Variants in GSK3B observed in about 807,000 individuals in gnomAD.
GSK3B encodes glycogen synthase kinase-3 beta.
GSK3B carries 15 observed loss-of-function variants against 56.4 expected under a neutral mutation model. The observed-to-expected ratio is 0.27, with a 90% CI of 0.18 to 0.41. The LOEUF (loss-of-function observed/expected upper bound fraction) is 0.41, where lower values mean the gene tolerates loss of function less well. Ranked by LOEUF, GSK3B falls within the 10% of genes least tolerant of loss-of-function variation. The pLI, the probability that GSK3B is intolerant of heterozygous loss-of-function variation, is 1.00. For missense variants in GSK3B, 300 were observed against 513.4 expected, an observed-to-expected ratio of 0.58 and a Z score of 4.02; for synonymous variants, 181 against 188.9, an observed-to-expected ratio of 0.96 and a Z score of 0.34.
intron 3 of GSK3B, among the ~76,000 whole-genome samples, chr3:119,924,649 C>T (rs1002600708): frequency 2.6e-5 from 4 of 152,222 alleles, no homozygotes; most frequent in African/African-American, 4.8e-5. Flanking sequence ...CTACACTTCA[C>T]GCACTTATGT....
intron 3 of GSK3B, among the ~76,000 whole-genome samples, chr3:119,929,907 A>G (rs1219303362): frequency 6.9e-6 from 1 of 145,956 alleles, no homozygotes; most frequent in African/African-American, 2.6e-5. Context: ...GCCTCAAAAA[A>G]AAAAAAAAAA....
chr3:120,076,009 C>T (rs912746676), intron 1 of GSK3B, among the ~76,000 whole-genome samples: 1 of 151,470 alleles, frequency 6.6e-6, no homozygotes, highest in Non-Finnish European at 1.5e-5. Context: ...TAGTTTAGTA[C>T]TGCCATAAAA....
At chr3:119,899,871 T>C (rs1401320555) in intron 7 of GSK3B, among the ~76,000 whole-genome samples, 1 of 152,146 alleles carries the variant, frequency 6.6e-6, no homozygotes, top group Non-Finnish European at 1.5e-5. Context: ...TCTAAATCTT[T>C]TTCTACGGAT....
At chr3:119,978,069 T>C (rs2057424049) in intron 2 of GSK3B, among the ~76,000 whole-genome samples, 1 of 152,170 alleles carries the variant, frequency 6.6e-6, no homozygotes, top group Non-Finnish European at 1.5e-5. Flanking sequence ...CATCACCATC[T>C]TGAACAAGCC....
Position 120,002,408 on chromosome 3 carries a change from G to A in GSK3B, c.89-169C>T, listed in dbSNP as rs563413919. ...GGCTGTTGTGCAGTCACACAATCTC[G>A]GCTCACTGCAACCTCCGTCTGCCGG... On this transcript the variant is annotated intron_variant, in intron 1 of 10. Transcript: ENST00000264235. Among the ~76,000 whole-genome samples the A allele has an allele frequency of 6.7e-4, 102 of 151,262 alleles. 2 individuals are homozygous for A. In the South Asian group the frequency reaches 0.019, roughly 28 times the overall value.
intron 1 of GSK3B, among the ~76,000 whole-genome samples, chr3:120,018,119 A>G (rs1436304384): frequency 6.6e-6 from 1 of 152,220 alleles, no homozygotes; most frequent in Admixed American, 6.5e-5. Context: ...AAGCACAGTT[A>G]GACCCATTAT....
intron 2 of GSK3B, among the ~76,000 whole-genome samples, chr3:119,986,164 C>A (rs1304257665): frequency 1.3e-5 from 2 of 152,132 alleles, no homozygotes; most frequent in Non-Finnish European, 2.9e-5. Flanking sequence ...CCCTTCCTTA[C>A]ACCTTATAGA....
At chr3:119,915,922 T>A in intron 5 of GSK3B, 122 bp downstream of exon 5, 1 of 660,990 alleles carries the variant, frequency 1.5e-6, no homozygotes, top group Non-Finnish European at 2.6e-6. Flanking sequence ...CTGCACTAGT[T>A]TATACTTCTT....
chr3:119,957,940 A>C (rs2057230437), intron 2 of GSK3B, among the ~76,000 whole-genome samples: 1 of 152,202 alleles, frequency 6.6e-6, no homozygotes, highest in African/African-American at 2.4e-5. Context: ...CAAGTAGGCA[A>C]ATAAAGATAC....
intron 2 of GSK3B, among the ~76,000 whole-genome samples, chr3:119,976,533 T>C (rs1293437631): frequency 6.6e-6 from 1 of 152,016 alleles, no homozygotes; most frequent in Non-Finnish European, 1.5e-5. Flanking sequence ...AGTAGATCAG[T>C]AGTTTCCAGG....
chr3:120,027,379 G>GA (rs199837392), intron 1 of GSK3B, among the ~76,000 whole-genome samples: 1,248 of 112,338 alleles, frequency 0.011, 8 homozygotes, highest in South Asian at 0.022. Flanking sequence ...TCTGTCTCAG[G>GA]AAAAAAAAAA....
chr3:119,899,154 T>C (rs2056601538), intron 7 of GSK3B, among the ~76,000 whole-genome samples: 2 of 152,090 alleles, frequency 1.3e-5, no homozygotes, highest in South Asian at 2.1e-4. Flanking sequence ...AGGTAGTGTA[T>C]ACAGCATGGA....
At chr3:119,848,801 A>G (rs1377599224) in intron 9 of GSK3B, among the ~76,000 whole-genome samples, 6 of 152,224 alleles carry the variant, frequency 3.9e-5, no homozygotes, top group Admixed American at 3.9e-4. Flanking sequence ...TTAAAAATGA[A>G]TGAAAGGAAA....
At chr3:120,062,940 T>C (rs774580363) in intron 1 of GSK3B, among the ~76,000 whole-genome samples, 1 of 152,186 alleles carries the variant, frequency 6.6e-6, no homozygotes, top group African/African-American at 2.4e-5. Flanking sequence ...TTAGGAAGCA[T>C]ACAAACATGC....
chr3:119,850,746 T>C (rs1408798007), intron 9 of GSK3B, among the ~76,000 whole-genome samples: 1 of 152,178 alleles, frequency 6.6e-6, no homozygotes, highest in Admixed American at 6.5e-5. Context: ...ACAGCACCTG[T>C]TAGCATCAGA....
chr3:119,933,332 A>T (rs1418201813), intron 3 of GSK3B, among the ~76,000 whole-genome samples: 1 of 152,206 alleles, frequency 6.6e-6, no homozygotes, highest in Admixed American at 6.5e-5. Context: ...AAACTCATGC[A>T]ATCTATTGGG....
intron 1 of GSK3B, chr3:120,029,760 T>C (rs987830988): frequency 3.6e-6 from 2 of 555,420 alleles, no homozygotes; most frequent in African/African-American, 1.9e-5. Flanking sequence ...TGGAATATGG[T>C]ATGTTACTTA....
chr3:119,970,544 G>A (rs1399083890), intron 2 of GSK3B, among the ~76,000 whole-genome samples: 6 of 151,160 alleles, frequency 4.0e-5, no homozygotes, highest in East Asian at 1.9e-4. Flanking sequence ...GGCCAAGGCC[G>A]GTGGATCACA....
chr3:119,866,686 T>C, intron 8 of GSK3B: 2 of 1,150,936 alleles, frequency 1.7e-6, no homozygotes, highest in South Asian at 1.3e-5. Flanking sequence ...CAAAAGAGAA[T>C]AGTCCAGCAA....
Sources: gnomAD v4.1 joint callset for allele counts (sites outside exome capture counted in the v4.1 genomes callset) on GRCh38, gnomAD v4.1.1 for gene constraint, MANE v1.5 for transcripts, NCBI Gene and HGNC (gene_info 2026-07-23, HGNC 2026-07-21) for gene names.